MPPED1: variants seen among roughly 807,000 people sequenced by gnomAD.
MPPED1 encodes the protein metallophosphoesterase domain-containing protein 1.
In MPPED1, 16 loss-of-function variants were observed where a neutral mutation model predicts 36.2. The observed-to-expected ratio is 0.44, with a 90% confidence interval of 0.30 to 0.67. The LOEUF (loss-of-function observed/expected upper bound fraction) is 0.67. Among genes scored for constraint, MPPED1 ranks in the 30% least tolerant of loss-of-function variants. The probability of loss-of-function intolerance (pLI) is 0.10; values close to 1 mark genes in which losing one functional copy is unlikely to be tolerated. For missense variants in MPPED1, 307 were observed against 453.4 expected, an observed-to-expected ratio of 0.68 and a Z score of 2.93; for synonymous variants, 199 against 191.3, an observed-to-expected ratio of 1.04 and a Z score of -0.33.
Position 43,412,034 on chromosome 22 carries a change from G to T in MPPED1, c.-203G>T, listed in dbSNP as rs998353264. Reference sequence around the variant, plus strand: ...CTCCCACTTGCAGCCTCGGACGCGCGGCGAGGCGGCCGCCGCCGGAGGAGC... The same window carrying T: ...CTCCCACTTGCAGCCTCGGACGCGCTGCGAGGCGGCCGCCGCCGGAGGAGC... On this transcript the variant is annotated 5_prime_UTR_variant, in exon 1 of 7. Coordinates refer to ENST00000443721, the MANE Select transcript of MPPED1 (RefSeq NM_001044370.2). The T allele has an allele frequency of 2.6e-5, 25 of 979,276 alleles. No individual in the cohort carries two copies. The highest frequency in any genetic ancestry group is 4.7e-5 in the South Asian group (1 of 21,284). 60.7% of individuals were successfully genotyped at this position (979,276 alleles called of 1,614,324 possible).
intron 3 of MPPED1, among the ~76,000 whole-genome samples, chr22:43,445,087 A>G (rs1052302297): frequency 2.0e-5 from 3 of 152,128 alleles, no homozygotes; most frequent in Non-Finnish European, 4.4e-5. Flanking sequence ...GGCCCTGATT[A>G]TTGGGAGATG....
At chr22:43,431,954 T>C (rs899862035) in intron 2 of MPPED1, among the ~76,000 whole-genome samples, 2 of 152,172 alleles carry the variant, frequency 1.3e-5, no homozygotes, top group African/African-American at 2.4e-5. Flanking sequence ...TAAAGATCTC[T>C]GGCTCCAGCA....
chr22:43,476,837 C>G (rs1931592664), intron 4 of MPPED1, among the ~76,000 whole-genome samples: 1 of 152,048 alleles, frequency 6.6e-6, no homozygotes, highest in South Asian at 2.1e-4. Context: ...GGGGAGGTGG[C>G]TGAGTCTGCC....
At chr22:43,483,663 G>A (rs927901840) in intron 4 of MPPED1, among the ~76,000 whole-genome samples, 3 of 152,250 alleles carry the variant, frequency 2.0e-5, no homozygotes, top group African/African-American at 7.2e-5. Context: ...TGTTAGGGGT[G>A]TTGTCATTTT....
At chr22:43,434,352 T>C (rs1280887104) in intron 2 of MPPED1, among the ~76,000 whole-genome samples, 2 of 152,204 alleles carry the variant, frequency 1.3e-5, no homozygotes, top group Non-Finnish European at 1.5e-5. Context: ...TTAGGGTCTT[T>C]ATTTCACACA....
At chr22:43,498,711 C>G (rs915443957) in intron 5 of MPPED1, among the ~76,000 whole-genome samples, 20 of 152,064 alleles carry the variant, frequency 1.3e-4, no homozygotes, top group African/African-American at 4.6e-4. Flanking sequence ...CTAACTCCCT[C>G]AGAAACCTGG....
chr22:43,491,808 ATGG>A (rs1932109946), intron 4 of MPPED1, among the ~76,000 whole-genome samples: 1 of 112,780 alleles, frequency 8.9e-6, no homozygotes, highest in Non-Finnish European at 1.8e-5. Flanking sequence ...GGTGGTGGTG[ATGG>A]TGGTGATGAT....
At chr22:43,430,040 C>T (rs1352667651) in intron 2 of MPPED1, among the ~76,000 whole-genome samples, 1 of 152,140 alleles carries the variant, frequency 6.6e-6, no homozygotes, top group Non-Finnish European at 1.5e-5. Flanking sequence ...CTGATCCAGC[C>T]AGTCATTGTG....
intron 3 of MPPED1, among the ~76,000 whole-genome samples, chr22:43,466,675 T>C (rs964428369): frequency 6.6e-6 from 1 of 151,792 alleles, no homozygotes; most frequent in Non-Finnish European, 1.5e-5. Context: ...CACAGTAGAG[T>C]GGACAGGGCC....
intron 3 of MPPED1, among the ~76,000 whole-genome samples, chr22:43,457,426 A>G (rs1930792724): frequency 6.6e-6 from 1 of 152,150 alleles, no homozygotes; most frequent in African/African-American, 2.4e-5. Context: ...TTTTATAAAC[A>G]GCATATAATT....
At chr22:43,413,533 G>T (rs1366316602) in intron 1 of MPPED1, among the ~76,000 whole-genome samples, 6 of 152,358 alleles carry the variant, frequency 3.9e-5, no homozygotes, top group African/African-American at 1.2e-4. Flanking sequence ...GGTGCTGATG[G>T]ATTCGGCCGG....
intron 4 of MPPED1, among the ~76,000 whole-genome samples, chr22:43,487,616 G>T (rs1931953165): frequency 6.6e-6 from 1 of 152,174 alleles, no homozygotes; most frequent in Admixed American, 6.5e-5. Context: ...GTTAAGAGGG[G>T]AACTGGCAAG....
chr22:43,463,999 C>T (rs930569770), intron 3 of MPPED1, among the ~76,000 whole-genome samples: 3 of 151,890 alleles, frequency 2.0e-5, no homozygotes, highest in African/African-American at 7.3e-5. Context: ...ACCTCCGCCT[C>T]CCAGGTTCAA....
At chr22:43,458,107 C>T (rs1569076408) in intron 3 of MPPED1, among the ~76,000 whole-genome samples, 1 of 152,042 alleles carries the variant, frequency 6.6e-6, no homozygotes, top group Non-Finnish European at 1.5e-5. Context: ...ATGTAGTAGG[C>T]TGTATGATCT....
intron 4 of MPPED1, among the ~76,000 whole-genome samples, chr22:43,483,061 C>T (rs1931799051): frequency 6.6e-6 from 1 of 152,212 alleles, no homozygotes; most frequent in Admixed American, 6.5e-5. Flanking sequence ...GAGACCCCAG[C>T]AGGGAAGTGT....
At chr22:43,454,896 A>G (rs978280423) in intron 3 of MPPED1, among the ~76,000 whole-genome samples, 1 of 152,140 alleles carries the variant, frequency 6.6e-6, no homozygotes, top group African/African-American at 2.4e-5. Flanking sequence ...CATCTTCTGC[A>G]TTGATACTGT....
chr22:43,458,530 C>T (rs963654582), intron 3 of MPPED1, among the ~76,000 whole-genome samples: 4 of 152,210 alleles, frequency 2.6e-5, no homozygotes, highest in South Asian at 4.2e-4. Context: ...GTGATCCGCC[C>T]GCCTCAGACT....
At chr22:43,475,752 G>A (rs796879868) in intron 4 of MPPED1, among the ~76,000 whole-genome samples, 64 of 70,318 alleles carry the variant, frequency 9.1e-4, no homozygotes, top group African/African-American at 2.9e-3. Flanking sequence ...GGTGGTGGTG[G>A]TGGTGATGAT....
chr22:43,423,396 C>T (rs963210501), intron 1 of MPPED1, among the ~76,000 whole-genome samples: 12 of 152,188 alleles, frequency 7.9e-5, no homozygotes, highest in African/African-American at 2.9e-4. Flanking sequence ...TGCGTAGCAC[C>T]TGCAGGGAGA....
Sources: gnomAD v4.1 joint callset for allele counts (sites outside exome capture counted in the v4.1 genomes callset) on GRCh38, gnomAD v4.1.1 for gene constraint, MANE v1.5 for transcripts, NCBI Gene and HGNC (gene_info 2026-07-23, HGNC 2026-07-21) for gene names.